MICU1: variants seen among roughly 807,000 people sequenced by gnomAD.
MICU1 encodes the protein mitochondrial calcium uptake 1.
In MICU1, 45 loss-of-function variants were observed where a neutral mutation model predicts 56.8. The observed-to-expected ratio is 0.79, with a 90% CI of 0.62 to 1.02. MICU1 has a LOEUF of 1.02. MICU1 is among the 50% of genes least tolerant of loss of function. MICU1 has a pLI of 0.00. For missense variants in MICU1, 504 were observed against 587.1 expected (o/e 0.86, Z 1.46); for synonymous variants, 186 against 195.1 (o/e 0.95, Z 0.39).
At chr10:72,401,608 T>C (rs753807909) in intron 10 of MICU1, among the ~76,000 whole-genome samples, 15 of 152,174 alleles carry the variant, frequency 9.9e-5, no homozygotes, top group Non-Finnish European at 2.1e-4. Flanking sequence ...AAGCAGACAT[T>C]GTACCACTGC....
intron 8 of MICU1, among the ~76,000 whole-genome samples, chr10:72,456,840 G>T (rs6415908): frequency 5.2e-4 from 76 of 145,444 alleles, no homozygotes; most frequent in African/African-American, 1.7e-3. Flanking sequence ...CCACCATGCC[G>T]GGCTCATTTT....
intron 8 of MICU1, among the ~76,000 whole-genome samples, chr10:72,450,305 G>A (rs1865255335): frequency 6.6e-6 from 1 of 151,878 alleles, no homozygotes; most frequent in Non-Finnish European, 1.5e-5. Context: ...GAAGGAGAAG[G>A]AAGAGAGCTC....
At chr10:72,514,680 T>A (rs888248258) in intron 5 of MICU1, among the ~76,000 whole-genome samples, 32 of 152,328 alleles carry the variant, frequency 2.1e-4, no homozygotes, top group African/African-American at 7.0e-4. Context: ...TGGCTCTGTA[T>A]TGGGCATTTC....
chr10:72,529,240 G>A (rs1055451103), intron 5 of MICU1, among the ~76,000 whole-genome samples: 7 of 152,104 alleles, frequency 4.6e-5, no homozygotes, highest in African/African-American at 1.7e-4. Flanking sequence ...TGAGGGGACT[G>A]TAGTTACAAA....
chr10:72,616,113 A>G (rs1342108885), intron 1 of MICU1, among the ~76,000 whole-genome samples: 1 of 152,092 alleles, frequency 6.6e-6, no homozygotes, highest in African/African-American at 2.4e-5. Flanking sequence ...CATCTGTGTC[A>G]CTTCTGTTTT....
intron 10 of MICU1, among the ~76,000 whole-genome samples, chr10:72,387,442 C>G (rs1450923432): frequency 6.6e-6 from 1 of 152,180 alleles, no homozygotes; most frequent in African/African-American, 2.4e-5. Flanking sequence ...GTTCTAGGCT[C>G]TGAATAGCAC....
At chr10:72,514,561 G>GA (rs1867587435) in intron 5 of MICU1, among the ~76,000 whole-genome samples, 1 of 152,068 alleles carries the variant, frequency 6.6e-6, no homozygotes, top group Non-Finnish European at 1.5e-5. Flanking sequence ...CTTTGTCATA[G>GA]GTCGTCACTC....
intron 5 of MICU1, among the ~76,000 whole-genome samples, chr10:72,514,351 TC>T (rs1259638456): frequency 6.6e-6 from 1 of 152,114 alleles, no homozygotes; most frequent in African/African-American, 2.4e-5. Context: ...CTTTTTTTTT[TC>T]TTTCTGTGAT....
chr10:72,470,476 G>T (rs1865918012), intron 8 of MICU1, among the ~76,000 whole-genome samples: 1 of 152,156 alleles, frequency 6.6e-6, no homozygotes, highest in African/African-American at 2.4e-5. Flanking sequence ...ACCAATATCT[G>T]GCAGGGGTCC....
intron 8 of MICU1, among the ~76,000 whole-genome samples, chr10:72,454,468 CA>C (rs200013182): frequency 1.8e-4 from 27 of 146,516 alleles, no homozygotes; most frequent in African/African-American, 6.8e-4. Flanking sequence ...TTTAAAAAAA[CA>C]AAAAAAACAA....
intron 9 of MICU1, among the ~76,000 whole-genome samples, chr10:72,415,208 C>G (rs975466115): frequency 6.6e-6 from 1 of 151,950 alleles, no homozygotes; most frequent in African/African-American, 2.4e-5. Flanking sequence ...TAGAGATGTG[C>G]TTTCGCCATG....
intron 8 of MICU1, among the ~76,000 whole-genome samples, chr10:72,456,881 GTGTGTGTGTGTGTGTGTGTGTT>G (rs1865480069): frequency 1.6e-5 from 1 of 62,440 alleles, no homozygotes; most frequent in Non-Finnish European, 4.3e-5. Context: ...GTGTGTGTGT[GTGTGTGTGTGTGTGTGTGTGTT>G]TTGTTTGTTT....
intron 11 of MICU1, among the ~76,000 whole-genome samples, chr10:72,371,248 G>T (rs994049347): frequency 1.3e-5 from 2 of 151,334 alleles, no homozygotes; most frequent in African/African-American, 4.9e-5. Flanking sequence ...ATAGCTGGGC[G>T]TGGTGGCGGG....
At chr10:72,558,561 C>T (rs1840215897) in intron 3 of MICU1, among the ~76,000 whole-genome samples, 2 of 152,254 alleles carry the variant, frequency 1.3e-5, no homozygotes, top group South Asian at 4.1e-4. Context: ...TTTTAGTAAG[C>T]TGCTACCTAG....
At chr10:72,472,239 C>T (rs1242780522) in intron 8 of MICU1, among the ~76,000 whole-genome samples, 3 of 152,138 alleles carry the variant, frequency 2.0e-5, no homozygotes, top group Admixed American at 6.5e-5. Context: ...GAGCCCTCTA[C>T]GTACAACTAG....
chr10:72,487,706 T>C (rs190053495), intron 6 of MICU1, among the ~76,000 whole-genome samples: 4 of 152,312 alleles, frequency 2.6e-5, no homozygotes, highest in Non-Finnish European at 4.4e-5. Flanking sequence ...AAATACCCTT[T>C]TGGAAAGCTT....
At chr10:72,459,880 A>C (rs1045706719) in intron 8 of MICU1, among the ~76,000 whole-genome samples, 1 of 152,216 alleles carries the variant, frequency 6.6e-6, no homozygotes, top group Non-Finnish European at 1.5e-5. Flanking sequence ...TGTGTTCTCT[A>C]TCTCAGTGAA....
intron 3 of MICU1, chr10:72,560,402 C>G (rs1046936932): frequency 6.6e-6 from 1 of 152,154 alleles, no homozygotes; most frequent in African/African-American, 2.4e-5. Flanking sequence ...TGACTTTGCA[C>G]TTTGGATCTG....
At chr10:72,391,677 G>A (rs1863077051) in intron 10 of MICU1, among the ~76,000 whole-genome samples, 1 of 151,744 alleles carries the variant, frequency 6.6e-6, no homozygotes, top group South Asian at 2.1e-4. Context: ...AATAAATTAC[G>A]TTGGAAAAAT....
Sources: gnomAD v4.1 joint callset for allele counts (sites outside exome capture counted in the v4.1 genomes callset) on GRCh38, gnomAD v4.1.1 for gene constraint, MANE v1.5 for transcripts, NCBI Gene and HGNC (gene_info 2026-07-23, HGNC 2026-07-21) for gene names.